Variants in CYP27A1 observed in about 807,000 individuals in gnomAD.
The protein encoded by CYP27A1 is sterol 26-hydroxylase, mitochondrial.
In CYP27A1, 46 loss-of-function variants were observed where a neutral mutation model predicts 58.2. The observed-to-expected ratio is 0.79, with a 90% CI of 0.62 to 1.01. CYP27A1 has a LOEUF of 1.01. CYP27A1 is among the 50% of genes least tolerant of loss of function. CYP27A1 has a pLI of 0.00. For missense variants in CYP27A1, 704 were observed against 687.0 expected (o/e 1.02, Z -0.28); for synonymous variants, 274 against 285.1 (o/e 0.96, Z 0.39).
At chr2:218,802,444 T>C (rs1943609250) in intron 1 of CYP27A1, among the ~76,000 whole-genome samples, 1 of 152,256 alleles carries the variant, frequency 6.6e-6, no homozygotes, top group Non-Finnish European at 1.5e-5. Context: ...TCTTTACTAT[T>C]TCTTGCTCAT....
chr2:218,814,279 G>T, intron 6 of CYP27A1, 92 bp downstream of exon 6: 1 of 1,604,020 alleles, frequency 6.2e-7, no homozygotes, highest in Non-Finnish European at 8.5e-7. Context: ...GTGGGCTGGG[G>T]CTAGTGACAA....
chr2:218,812,303 T>A lies in CYP27A1; in HGVS notation c.528T>A (p.Asp176Glu). The A allele has an allele frequency of 6.2e-7, 1 of 1,614,206 alleles. No individual in the cohort carries two copies. The highest frequency in any genetic ancestry group is 8.5e-7 in the Non-Finnish European group (1 of 1,180,034). Residue 176 changes from aspartate to glutamate, a missense_variant, in exon 3 of 9, where the codon GAT becomes GAA. Asp to Glu is a conservative substitution (Grantham distance 45). Coordinates refer to ENST00000258415, the MANE Select transcript of CYP27A1 (RefSeq NM_000784.4). Reference protein sequence around the residue: ...LKPAEAALYTDAFNEVIDDFM... With the variant: ...LKPAEAALYTEAFNEVIDDFM... ...CAGCGGAAGCAGCGCTCTATACGGA[T>A]GCTTTCAATGAGGTGATTGATGACT...
rs770024479 is a variant in CYP27A1, at chr2:218,809,779, C to T, written c.446+12C>T. 2 of 1,610,976 alleles carry T rather than the reference C, an allele frequency of 1.2e-6. No homozygotes were observed. Among genetic ancestry groups the T allele is most frequent in the East Asian group, 2.2e-5 (1 of 44,802 alleles). On this transcript the variant is annotated intron_variant, in intron 2 of 8. Transcript: ENST00000258415. ...GGGCCGTTCACCACGTGAGCTGGGG[C>T]CTGAAGGGACTGGAACAGGGCCCCA...
At chr2:218,811,121 T>C (rs1311595406) in intron 2 of CYP27A1, among the ~76,000 whole-genome samples, 4 of 152,190 alleles carry the variant, frequency 2.6e-5, no homozygotes, top group African/African-American at 9.7e-5. Context: ...AGAGCGAGAC[T>C]CTGTCTCAAA....
chr2:218,812,697 G>A lies in CYP27A1; in HGVS notation c.792G>A (p.Val264=), dbSNP rs144018609. Residue 264 remains valine (V), a synonymous_variant, in exon 4 of 9, where the codon GTG becomes GTA. Transcript: ENST00000258415. ...TCCTCCCCAAGTGGACTCGCCCCGT[G>A]CTGCCTTTCTGGAAGCGATACCTGG... The part of the protein sequence containing the change: ...ATFLPKWTRP[V]LPFWKRYLDG... 1.3e-4 allele frequency: 213 copies of A among 1,614,208 alleles called. 1 individual carries two copies. In the East Asian group the frequency reaches 4.5e-3, roughly 34 times the overall value.
Position 218,814,924 on chromosome 2 carries a change from A to T in CYP27A1, c.1490A>T (p.Tyr497Phe). ...TTTACCCCCCAGCTGATCCAGAAGTACAAGGTGGTCCTGGCCCCGGAGACG... is the reference window on the plus strand; with the variant it reads ...TTTACCCCCCAGCTGATCCAGAAGTTCAAGGTGGTCCTGGCCCCGGAGACG... ...QLLLARLIQK[Y>F]KVVLAPETGE... Residue 497 changes from tyrosine to phenylalanine, a missense_variant, in exon 9 of 9, where the codon TAC becomes TTC. Coordinates refer to ENST00000258415, the MANE Select transcript of CYP27A1 (RefSeq NM_000784.4). The T allele has an allele frequency of 6.2e-7, 1 of 1,614,242 alleles. No individual in the cohort carries two copies. Among genetic ancestry groups the T allele is most frequent in the Non-Finnish European group, 8.5e-7 (1 of 1,180,042 alleles).
rs77155745 is a variant in CYP27A1 at position 218,783,391 on chromosome 2, G to A, written c.255+954G>A. Among the ~76,000 whole-genome samples the A allele has an allele frequency of 6.1e-3, 924 of 152,282 alleles. 8 individuals are homozygous for A. Among genetic ancestry groups the A allele is most frequent in the African/African-American group, 0.021 (873 of 41,548 alleles). On this transcript the variant is annotated intron_variant, in intron 1 of 8. Transcript: ENST00000258415. The stretch of plus-strand genomic sequence containing the variant: ...ACAGCAGAACACAGAAATGAGGCAG[G>A]GATGAACAGCTCACTGCTCACTGAC...
In CYP27A1 at chr2:218,812,351, G is replaced by A; in HGVS notation, c.576G>A (p.Leu192=). 1 of 1,614,234 alleles carries A rather than the reference G, an allele frequency of 6.2e-7. No homozygotes were observed. Among genetic ancestry groups the A allele is most frequent in the African/African-American group, 1.3e-5 (1 of 75,052 alleles). The change falls in exon 3 of 9, where the codon CTG becomes CTA. Residue 192 remains leucine, a synonymous_variant. Coordinates refer to ENST00000258415, the MANE Select transcript of CYP27A1 (RefSeq NM_000784.4). ...IDDFMTRLDQ[L]RAESASGNQV... ...ACTTTATGACTCGACTGGACCAGCT[G>A]CGGGCAGAGAGTGCTTCGGGGAACC...
chr2:218,794,990 G>A (rs556830196), intron 1 of CYP27A1, among the ~76,000 whole-genome samples: 3 of 152,212 alleles, frequency 2.0e-5, no homozygotes, highest in South Asian at 2.1e-4. Flanking sequence ...TGACAACTGC[G>A]ACAGGGTGCC....
At chr2:218,786,260 C>T (rs930971601) in intron 1 of CYP27A1, among the ~76,000 whole-genome samples, 7 of 152,150 alleles carry the variant, frequency 4.6e-5, no homozygotes, top group Non-Finnish European at 1.0e-4. Flanking sequence ...TAGACATACC[C>T]TAATTAGCTT....
intron 1 of CYP27A1, among the ~76,000 whole-genome samples, chr2:218,785,293 G>A (rs2106480096): frequency 6.6e-6 from 1 of 152,290 alleles, no homozygotes; most frequent in East Asian, 1.9e-4. Flanking sequence ...GAGTGATGGG[G>A]AGTGGCTGTA....
At position 218,814,062 on chromosome 2, in the gene CYP27A1, G is replaced by T. The variant is rs372343607; in HGVS notation, c.1059G>T (p.Lys353Asn). 52 of 1,614,108 alleles carry T rather than the reference G, an allele frequency of 3.2e-5. No individual in the cohort carries two copies. Among genetic ancestry groups the T allele is most frequent in the Non-Finnish European group, 4.3e-5 (51 of 1,180,058 alleles). The change falls in exon 6 of 9, where the codon AAG (lysine) becomes AAT (asparagine). Residue 353 changes from lysine to asparagine, a missense_variant. Coordinates refer to ENST00000258415, the MANE Select transcript of CYP27A1 (RefSeq NM_000784.4). ...CATGGGCCCTGTACCACCTCTCAAA[G>T]GACCCTGAGATCCAGGAGGCCTTGC... Reference protein sequence around the residue: ...TLTWALYHLSKDPEIQEALHE... With the variant: ...TLTWALYHLSNDPEIQEALHE...
chr2:218,814,893 G>A lies in CYP27A1; in HGVS notation c.1477-18G>A, dbSNP rs886703307. The A allele has an allele frequency of 5.0e-6, 8 of 1,614,100 alleles. No homozygotes were observed. Among genetic ancestry groups the A allele is most frequent in the Non-Finnish European group, 5.9e-6 (7 of 1,180,046 alleles). ...AAACACACAATCCACCCAACCACAT[G>A]TGCTCTTTACCCCCCAGCTGATCCA... is the stretch of plus-strand genomic sequence containing the variant. On this transcript the variant is annotated intron_variant, in intron 8 of 8. Transcript: ENST00000258415.
intron 1 of CYP27A1, among the ~76,000 whole-genome samples, chr2:218,806,446 G>C (rs1291536944): frequency 6.6e-6 from 1 of 152,240 alleles, no homozygotes; most frequent in Admixed American, 6.5e-5. Flanking sequence ...GGAGAGGCCA[G>C]GAATGCTGCT....
At chr2:218,805,029 G>A (rs1053518522) in intron 1 of CYP27A1, among the ~76,000 whole-genome samples, 1 of 152,104 alleles carries the variant, frequency 6.6e-6, no homozygotes. Context: ...TCAGATCAGG[G>A]CCCCACCCTT....
intron 1 of CYP27A1, among the ~76,000 whole-genome samples, chr2:218,802,750 T>C (rs974052546): frequency 6.6e-6 from 1 of 152,230 alleles, no homozygotes; most frequent in African/African-American, 2.4e-5. Flanking sequence ...TAAGCCATTC[T>C]AGTGGTTAAC....
rs376401306 is a variant in CYP27A1 at position 218,803,881 on chromosome 2, C to T, written c.256-5696C>T. On this transcript the variant is annotated intron_variant, in intron 1 of 8. Transcript: ENST00000258415. Reference sequence around the variant, plus strand: ...CCGAGTAGCTGGGACTACAAGCATGCGCCACCACACCTGCCTAATTTTTGT... The same window carrying T: ...CCGAGTAGCTGGGACTACAAGCATGTGCCACCACACCTGCCTAATTTTTGT... 6.7e-4 allele frequency among the ~76,000 whole-genome samples: 102 copies of T among 151,652 alleles called. 2 individuals carry two copies. The East Asian group carries it at 0.017, about 26-fold the overall frequency.
chr2:218,800,896 C>A (rs556049326), intron 1 of CYP27A1, among the ~76,000 whole-genome samples: 3 of 152,212 alleles, frequency 2.0e-5, no homozygotes, highest in African/African-American at 7.2e-5. Context: ...ATATGAATAT[C>A]TTTTTCAATA....
At position 218,809,731 on chromosome 2, in the gene CYP27A1, G is replaced by A. The variant is rs587778818; in HGVS notation, c.410G>A (p.Arg137Gln). Residue 137 changes from arginine to glutamine, a missense_variant, in exon 2 of 9, where the codon CGG becomes CAG. By Grantham distance (43) the Arg-to-Gln change is conservative. Transcript: ENST00000258415. Reference protein sequence around the residue: ...RNDMELWKEHRDQHDLTYGPF... With the variant: ...RNDMELWKEHQDQHDLTYGPF... ...GACATGGAGCTATGGAAGGAGCACCGGGACCAGCACGACCTGACCTATGGG... is the reference window on the plus strand; with the variant it reads ...GACATGGAGCTATGGAAGGAGCACCAGGACCAGCACGACCTGACCTATGGG... 44 of 1,613,972 alleles carry A rather than the reference G, an allele frequency of 2.7e-5. 1 individual carries two copies. Among genetic ancestry groups the A allele is most frequent in the East Asian group, 1.6e-4 (7 of 44,878 alleles).
Sources: allele counts gnomAD v4.1 joint callset (sites outside exome capture counted in the v4.1 genomes callset), GRCh38; gene constraint gnomAD v4.1.1; transcripts MANE v1.5; gene names NCBI Gene and HGNC (gene_info 2026-07-23, HGNC 2026-07-21).